Variants in ZNF583 observed in about 807,000 individuals in gnomAD.
ZNF583 encodes the protein zinc finger protein 583.
Under a neutral mutation model 55.3 loss-of-function variants are expected in ZNF583, and 30 were observed. The observed-to-expected ratio is 0.54, with a 90% CI of 0.41 to 0.74. The LOEUF (loss-of-function observed/expected upper bound fraction) is 0.74. ZNF583 is among the 30% of genes least tolerant of loss of function. The pLI is 0.00. For synonymous variants in ZNF583, 208 were observed against 220.0 expected (o/e 0.95, Z 0.48); for missense variants, 504 against 664.7 (o/e 0.76, Z 2.66).
At position 56,404,404 on chromosome 19, in the gene ZNF583, G is replaced by C. The variant is rs1231698099; in HGVS notation, c.-138G>C. On this transcript the variant is annotated 5_prime_UTR_variant, in exon 1 of 5. Coordinates refer to ENST00000333201, the MANE Select transcript of ZNF583 (RefSeq NM_152478.3). This position sits in a 1 kb window ranked among gnomAD's most constrained non-coding sequence, Gnocchi z 5.2. ...CTGGCCCGGGCCCTGGCCCAGCCCCGGCCTCCAAGGACCGCGCCGAAGGAG... is the reference window on the plus strand; with the variant it reads ...CTGGCCCGGGCCCTGGCCCAGCCCCCGCCTCCAAGGACCGCGCCGAAGGAG... 1 of 152,534 alleles carries C rather than the reference G, an allele frequency of 6.6e-6. No homozygotes were observed. The highest frequency in any genetic ancestry group is 1.5e-5 in the Non-Finnish European group (1 of 68,280). 9.4% of individuals were successfully genotyped at this position (152,534 alleles called of 1,614,324 possible).
rs1480617875 is a variant in ZNF583, at chr19:56,412,265, T to C, written c.10-1694T>C. The stretch of plus-strand genomic sequence containing the variant: ...CAGCTTAAGAGCAGGCTCTGTGACA[T>C]GTCAAAACCAAGATGCATATGCCTA... On this transcript the variant is annotated intron_variant, in intron 2 of 4. Coordinates refer to ENST00000333201, the MANE Select transcript of ZNF583 (RefSeq NM_152478.3). 2.0e-5 allele frequency among the ~76,000 whole-genome samples: 3 copies of C among 152,236 alleles called. No individual in the cohort carries two copies. In the East Asian group the frequency reaches 5.8e-4, roughly 29 times the overall value.
chr19:56,426,260 T>G lies in ZNF583; in HGVS notation c.*1892T>G, dbSNP rs1394000529. 1.3e-5 allele frequency: 2 copies of G among 152,180 alleles called. No individual in the cohort carries two copies. The highest frequency in any genetic ancestry group is 4.8e-5 in the African/African-American group (2 of 41,436). The allele number at this position is 152,180 out of a possible 1,614,324, so 9.4% of individuals were successfully genotyped here. ...ACAGTTTTGGAAAAATTTATCGTGC[T>G]CTATACAACAATTCATTCCATATGT... On this transcript the variant is annotated 3_prime_UTR_variant, in exon 5 of 5. Transcript: ENST00000333201.
chr19:56,424,337 A>C lies in ZNF583; in HGVS notation c.1679A>C (p.Gln560Pro). 1 of 1,555,326 alleles carries C rather than the reference A, an allele frequency of 6.4e-7. No homozygotes were observed. Among genetic ancestry groups the C allele is most frequent in the Non-Finnish European group, 8.9e-7 (1 of 1,127,670 alleles). The change falls in exon 5 of 5, where the codon CAG becomes CCG. Residue 560 changes from glutamine to proline, a missense_variant. Transcript: ENST00000333201. ...TCTCCCTCACCCTCCACATCAAATCAGTTGCCAAGACCTGTAGGTTTCATC... is the reference window on the plus strand; with the variant it reads ...TCTCCCTCACCCTCCACATCAAATCCGTTGCCAAGACCTGTAGGTTTCATC... ...LSSPSPSTSNQLPRPVGFIS is the reference protein window; with the variant it reads ...LSSPSPSTSNPLPRPVGFIS
chr19:56,423,496 A>C lies in ZNF583; in HGVS notation c.838A>C (p.Asn280His), dbSNP rs1295761817. 2 of 1,612,984 alleles carry C rather than the reference A, an allele frequency of 1.2e-6. No homozygotes were observed. The highest frequency in any genetic ancestry group is 2.7e-5 in the African/African-American group (2 of 74,608). Residue 280 changes from asparagine to histidine, a missense_variant, in exon 5 of 5, where the codon AAT becomes CAT. Asn to His is a moderately conservative substitution (Grantham distance 68). Coordinates refer to ENST00000333201, the MANE Select transcript of ZNF583 (RefSeq NM_152478.3). ...CKECRKAFSQNAHLAQHQRVH... is the reference protein window; with the variant it reads ...CKECRKAFSQHAHLAQHQRVH... The stretch of plus-strand genomic sequence containing the variant: ...AGAATGTAGGAAAGCCTTCAGCCAG[A>C]ATGCACACCTGGCCCAACATCAGAG...
intron 1 of ZNF583, among the ~76,000 whole-genome samples, chr19:56,406,765 G>C (rs1038374224): frequency 1.3e-5 from 2 of 152,130 alleles, no homozygotes; most frequent in Admixed American, 1.3e-4. Flanking sequence ...CTGACTTCGT[G>C]ATTCGCCAGC....
At chr19:56,407,213 C>T (rs571298184) in intron 2 of ZNF583, 90 bp downstream of exon 2, 2 of 1,468,486 alleles carry the variant, frequency 1.4e-6, no homozygotes, top group African/African-American at 2.8e-5. Flanking sequence ...AATTCTGCAA[C>T]CTAATAAGGT....
Position 56,414,069 on chromosome 19 carries a change from G to C in ZNF583, c.120G>C (p.Arg40Ser), listed in dbSNP as rs369004715. The C allele has an allele frequency of 6.3e-7, 1 of 1,599,628 alleles. No homozygotes were observed. Among genetic ancestry groups the C allele is most frequent in the South Asian group, 1.1e-5 (1 of 88,210 alleles). Residue 40 changes from arginine to serine, a missense_variant, in exon 3 of 5, where the codon AGG becomes AGC. Around this residue, in one of 3 missense-constraint regions of ZNF583, gnomAD observed 204 missense variants for 235.2 expected, o/e 0.87. Transcript: ENST00000333201. ...LYRKVMLENY[R>S]SLVSLGVSVS... ...GGAAAGTGATGTTGGAGAACTACAG[G>C]AGCTTGGTATCATTGGGTAAGGACA...
chr19:56,407,255 T>G, intron 2 of ZNF583, 132 bp downstream of exon 2: 1 of 1,042,058 alleles, frequency 9.6e-7, no homozygotes, highest in Non-Finnish European at 1.4e-6. Flanking sequence ...TCCTCATATC[T>G]TGCTTTCCAG....
chr19:56,414,420 G>A lies in ZNF583; in HGVS notation c.212G>A (p.Gly71Glu), dbSNP rs745663773. 41 of 1,614,022 alleles carry A rather than the reference G, an allele frequency of 2.5e-5. No homozygotes were observed. Among genetic ancestry groups the A allele is most frequent in the Admixed American group, 3.3e-5 (2 of 59,992 alleles). ...GKEPWMVKKE[G>E]TRGPCPDWEY... is the part of the protein sequence containing the mutation. ...GAGCCCTGGATGGTGAAGAAGGAGG[G>A]AACAAGAGGCCCATGCCCTGGTGAG... Residue 71 changes from glycine (G) to glutamate (E), a missense_variant, in exon 4 of 5, where the codon GGA becomes GAA. Coordinates refer to ENST00000333201, the MANE Select transcript of ZNF583 (RefSeq NM_152478.3).
At chr19:56,420,283 G>C (rs1435015927) in intron 4 of ZNF583, among the ~76,000 whole-genome samples, 3 of 152,144 alleles carry the variant, frequency 2.0e-5, no homozygotes, top group African/African-American at 7.2e-5. Flanking sequence ...TGAGGTTAGA[G>C]AGCATACTCA....
At chr19:56,422,442 T>A (rs888907866) in intron 4 of ZNF583, among the ~76,000 whole-genome samples, 1 of 152,182 alleles carries the variant, frequency 6.6e-6, no homozygotes, top group African/African-American at 2.4e-5. Context: ...ATGAACAATA[T>A]GAACAACCAT....
intron 4 of ZNF583, among the ~76,000 whole-genome samples, chr19:56,419,169 A>G (rs1389998195): frequency 6.7e-6 from 1 of 149,412 alleles, no homozygotes; most frequent in South Asian, 2.1e-4. Context: ...CCTTATGTAC[A>G]TGTGCTACAT....
chr19:56,419,747 A>G (rs1308698142), intron 4 of ZNF583, among the ~76,000 whole-genome samples: 1 of 152,164 alleles, frequency 6.6e-6, no homozygotes, highest in Non-Finnish European at 1.5e-5. Context: ...CAGCTTTGGT[A>G]GGCTGTGTCT....
At chr19:56,410,022 A>C (rs1246982140) in intron 2 of ZNF583, among the ~76,000 whole-genome samples, 1 of 152,136 alleles carries the variant, frequency 6.6e-6, no homozygotes, top group African/African-American at 2.4e-5. Context: ...TATGATTAGT[A>C]CCCTTATCAC....
intron 4 of ZNF583, among the ~76,000 whole-genome samples, chr19:56,416,727 G>T (rs1365288599): frequency 1.3e-5 from 2 of 150,304 alleles, no homozygotes; most frequent in African/African-American, 2.5e-5. Context: ...GAGTTTTCTG[G>T]TTTTATTGTA....
At chr19:56,408,133 G>A (rs937920544) in intron 2 of ZNF583, among the ~76,000 whole-genome samples, 16 of 152,104 alleles carry the variant, frequency 1.1e-4, no homozygotes, top group Admixed American at 2.6e-4. Flanking sequence ...GTGGGAAAGG[G>A]ATGGATTATT....
intron 4 of ZNF583, among the ~76,000 whole-genome samples, chr19:56,420,670 T>C (rs2042400444): frequency 1.3e-5 from 2 of 152,206 alleles, no homozygotes; most frequent in Admixed American, 1.3e-4. Context: ...TCTTTGGTAA[T>C]ACTCAGTTTT....
At chr19:56,409,716 A>G (rs974852252) in intron 2 of ZNF583, among the ~76,000 whole-genome samples, 45 of 152,294 alleles carry the variant, frequency 3.0e-4, no homozygotes, top group African/African-American at 9.4e-4. Context: ...ATAACTGGCT[A>G]GTTTTAAAAA....
chr19:56,408,736 G>A (rs528536889), intron 2 of ZNF583, among the ~76,000 whole-genome samples: 183 of 152,226 alleles, frequency 1.2e-3, no homozygotes, highest in Middle Eastern at 3.4e-3. Context: ...ACACTGTAGC[G>A]AGTCTGTGAT....
Sources: gnomAD v4.1 joint callset for allele counts (sites outside exome capture counted in the v4.1 genomes callset) on GRCh38, gnomAD v4.1.1 for gene constraint, gnomAD v4.1.1 regional missense constraint, Gnocchi (gnomAD v3.1) non-coding constraint, MANE v1.5 for transcripts, NCBI Gene and HGNC (gene_info 2026-07-23, HGNC 2026-07-21) for gene names.